The following DPP10 variants were observed in gnomAD, a reference collection of about 807,000 sequenced individuals.
DPP10 encodes dipeptidyl peptidase like 10, also known as inactive dipeptidyl peptidase 10.
DPP10 carries 33 observed loss-of-function variants against 120.9 expected under a neutral mutation model. The observed-to-expected ratio is 0.27, with a 90% CI of 0.21 to 0.37. DPP10 has a LOEUF of 0.37. Among genes scored for constraint, DPP10 ranks in the 10% least tolerant of loss-of-function variants. DPP10 has a pLI of 1.00. For synonymous variants in DPP10, 337 were observed against 326.1 expected, an observed-to-expected ratio of 1.03 and a Z score of -0.36; for missense variants, 816 against 942.8, an observed-to-expected ratio of 0.87 and a Z score of 1.76.
intron 1 of DPP10, among the ~76,000 whole-genome samples, chr2:114,650,476 T>G (rs1274372035): frequency 6.6e-6 from 1 of 152,202 alleles, no homozygotes; most frequent in African/African-American, 2.4e-5. Context: ...CTATTGTTGT[T>G]CATGAACTCC....
chr2:114,720,882 A>G (rs1397373790), intron 1 of DPP10, among the ~76,000 whole-genome samples: 2 of 152,222 alleles, frequency 1.3e-5, no homozygotes, highest in Non-Finnish European at 2.9e-5. Context: ...TATCACAGTG[A>G]TTCTGAAAGG....
chr2:114,545,786 C>T (rs903399639), intron 1 of DPP10, among the ~76,000 whole-genome samples: 5 of 152,214 alleles, frequency 3.3e-5, no homozygotes, highest in Admixed American at 6.5e-5. Context: ...TATTATTTTG[C>T]GATAGTTTTG....
At chr2:115,368,844 A>C (rs1056487738) in intron 3 of DPP10, among the ~76,000 whole-genome samples, 2 of 151,646 alleles carry the variant, frequency 1.3e-5, no homozygotes, top group Non-Finnish European at 2.9e-5. Context: ...TCTTTAAATA[A>C]AATTTGACAT....
intron 1 of DPP10, among the ~76,000 whole-genome samples, chr2:114,976,851 A>G (rs1699786588): frequency 6.6e-6 from 1 of 151,830 alleles, no homozygotes. Flanking sequence ...CCTCATTACT[A>G]TTTTCCATTC....
At chr2:115,477,929 G>A (rs149670545) in intron 3 of DPP10, among the ~76,000 whole-genome samples, 8 of 152,206 alleles carry the variant, frequency 5.3e-5, no homozygotes, top group East Asian at 1.9e-4. Flanking sequence ...GGAAGCTGTC[G>A]ATCATGGCAG....
At chr2:114,668,702 TG>T (rs1198357046) in intron 1 of DPP10, among the ~76,000 whole-genome samples, 1 of 152,144 alleles carries the variant, frequency 6.6e-6, no homozygotes, top group Non-Finnish European at 1.5e-5. Context: ...GCAGAACTAA[TG>T]TATTTTGCTA....
At chr2:115,019,989 C>T (rs1702953158) in intron 1 of DPP10, among the ~76,000 whole-genome samples, 1 of 152,144 alleles carries the variant, frequency 6.6e-6, no homozygotes, top group Admixed American at 6.5e-5. Context: ...ACTACCTAGC[C>T]CTCACTACAA....
intron 5 of DPP10, among the ~76,000 whole-genome samples, chr2:115,661,370 A>G (rs945472954): frequency 1.1e-4 from 16 of 152,268 alleles, no homozygotes; most frequent in Non-Finnish European, 2.2e-4. Flanking sequence ...GTTAGGATAC[A>G]GGCCGGTCAC....
intron 5 of DPP10, among the ~76,000 whole-genome samples, chr2:115,654,176 G>A (rs2088070626): frequency 1.3e-5 from 2 of 151,642 alleles, no homozygotes; most frequent in South Asian, 2.1e-4. Context: ...TGCAGTGTTA[G>A]CTTCATCACA....
intron 1 of DPP10, among the ~76,000 whole-genome samples, chr2:114,443,657 C>A (rs1360221274): frequency 2.0e-5 from 3 of 149,478 alleles, no homozygotes; most frequent in South Asian, 2.1e-4. Flanking sequence ...GGATATTTTG[C>A]ATCTTGAGGG....
intron 3 of DPP10, among the ~76,000 whole-genome samples, chr2:115,400,424 C>T (rs1237645465): frequency 1.3e-5 from 2 of 150,738 alleles, no homozygotes; most frequent in Non-Finnish European, 2.9e-5. Context: ...ACATTCTCTC[C>T]AAAAAGCAAG....
intron 3 of DPP10, among the ~76,000 whole-genome samples, chr2:115,386,014 G>T (rs900818430): frequency 6.6e-6 from 1 of 152,046 alleles, no homozygotes; most frequent in Non-Finnish European, 1.5e-5. Flanking sequence ...CTGAATATTA[G>T]GATTTATTAA....
chr2:115,502,747 C>T (rs1453034597), intron 4 of DPP10, among the ~76,000 whole-genome samples: 1 of 152,096 alleles, frequency 6.6e-6, no homozygotes, highest in Non-Finnish European at 1.5e-5. Flanking sequence ...GGCTGGGATG[C>T]AGTGGTGCAA....
At chr2:115,345,509 T>G (rs1451924755) in intron 3 of DPP10, among the ~76,000 whole-genome samples, 1 of 152,174 alleles carries the variant, frequency 6.6e-6, no homozygotes, top group East Asian at 1.9e-4. Context: ...GTTGCTAGGT[T>G]TTTTTAAACA....
chr2:115,712,544 A>ATATATATATATATATATATATATATG lies in DPP10; in HGVS notation c.577-15250_577-15249insTATGTATATATATATATATATATATA, dbSNP rs1553486154. On this transcript the variant is annotated intron_variant, in intron 7 of 25. Transcript: ENST00000410059. ...ATAGCTTTGAAGAGTCCTGAATTAA[A>ATATATATATATATATATATATATATG]TATATATATATATATATATATAAAG... Among the ~76,000 whole-genome samples the ATATATATATATATATATATATATATG allele has an allele frequency of 4.2e-3, 374 of 88,408 alleles. 26 individuals are homozygous for ATATATATATATATATATATATATATG. Among genetic ancestry groups the ATATATATATATATATATATATATATG allele is most frequent in the African/African-American group, 0.016 (363 of 22,846 alleles). 58.0% of individuals were successfully genotyped at this position (88,408 alleles called of 152,430 possible). A position where few individuals can be genotyped will look rare whatever the true frequency, so the allele number is the denominator to read the frequency against.
chr2:115,478,870 A>G (rs1023631054), intron 3 of DPP10, among the ~76,000 whole-genome samples: 1 of 152,218 alleles, frequency 6.6e-6, no homozygotes, highest in Non-Finnish European at 1.5e-5. Flanking sequence ...CACATTCACT[A>G]TGATGCATAC....
At chr2:114,890,006 T>A (rs998429) in intron 1 of DPP10, among the ~76,000 whole-genome samples, 1 of 152,088 alleles carries the variant, frequency 6.6e-6, no homozygotes, top group South Asian at 2.1e-4. Context: ...GTGTCGAAAT[T>A]TGTAGCAGTT....
chr2:114,637,482 A>C (rs1695383170), intron 1 of DPP10, among the ~76,000 whole-genome samples: 1 of 151,924 alleles, frequency 6.6e-6, no homozygotes, highest in Admixed American at 6.6e-5. Flanking sequence ...GAAGCTCTTT[A>C]GTTTAATTAG....
chr2:114,906,943 C>T (rs1303806873), intron 1 of DPP10, among the ~76,000 whole-genome samples: 1 of 152,110 alleles, frequency 6.6e-6, no homozygotes, highest in East Asian at 1.9e-4. Context: ...CTAGAATTTA[C>T]TAATGAAGCC....
Sources: gnomAD v4.1 joint callset for allele counts (sites outside exome capture counted in the v4.1 genomes callset) on GRCh38, gnomAD v4.1.1 for gene constraint, MANE v1.5 for transcripts, NCBI Gene and HGNC (gene_info 2026-07-23, HGNC 2026-07-21) for gene names.